FGF12: variants seen among roughly 807,000 people sequenced by gnomAD.
FGF12 encodes the protein fibroblast growth factor 12B.
FGF12 carries 14 observed loss-of-function variants against 23.6 expected under a neutral mutation model. That is an observed-to-expected ratio of 0.59 (90% CI 0.39 to 0.93). The LOEUF (loss-of-function observed/expected upper bound fraction) is 0.93. Ranked by LOEUF, FGF12 falls within the 40% of genes least tolerant of loss-of-function variation. The pLI, the probability that FGF12 is intolerant of heterozygous loss-of-function variation, is 0.00. For synonymous variants in FGF12, 62 were observed against 77.3 expected, an observed-to-expected ratio of 0.80 and a Z score of 1.04; for missense variants, 175 against 217.8, an observed-to-expected ratio of 0.80 and a Z score of 1.24.
At chr3:192,726,290 C>T (rs1020980553) in intron 2 of FGF12, among the ~76,000 whole-genome samples, 7 of 151,952 alleles carry the variant, frequency 4.6e-5, no homozygotes, top group Non-Finnish European at 8.8e-5. Context: ...CTTCTGATTT[C>T]GCCAGAATTA....
Position 192,408,385 on chromosome 3 carries a change from G to A in FGF12, c.14-47847C>T. The A allele has an allele frequency of 2.1e-6, 3 of 1,419,810 alleles. No individual in the cohort carries two copies. The highest frequency in any genetic ancestry group is 2.6e-5 in the East Asian group (1 of 38,586). The allele number at this position is 1,419,810 out of a possible 1,614,324, so 88.0% of individuals were successfully genotyped here. A position where few individuals can be genotyped will look rare whatever the true frequency, so the allele number is the denominator to read the frequency against. On this transcript the variant is annotated intron_variant, in intron 2 of 5. Transcript: ENST00000445105. This position sits in a 1 kb window ranked among gnomAD's most constrained non-coding sequence, Gnocchi z 7.3. Reference sequence around the variant, plus strand: ...AGTATCGAAAACCCGGCGCTCACAAGGTTAGTCAAAGTCTGGGCAGTGGCG... The same window carrying A: ...AGTATCGAAAACCCGGCGCTCACAAAGTTAGTCAAAGTCTGGGCAGTGGCG...
intron 4 of FGF12, among the ~76,000 whole-genome samples, chr3:192,300,694 A>G (rs1314084040): frequency 3.3e-5 from 5 of 152,172 alleles, no homozygotes; most frequent in African/African-American, 1.2e-4. Context: ...AAGACTGCCA[A>G]GTTGATCCAT....
At chr3:192,682,637 A>G (rs1042888540) in intron 2 of FGF12, among the ~76,000 whole-genome samples, 1 of 152,192 alleles carries the variant, frequency 6.6e-6, no homozygotes, top group Non-Finnish European at 1.5e-5. Context: ...GGCTTCTGGG[A>G]TGGAGACTCG....
chr3:192,478,214 G>T (rs891404360), intron 2 of FGF12, among the ~76,000 whole-genome samples: 2 of 152,112 alleles, frequency 1.3e-5, no homozygotes, highest in South Asian at 4.1e-4. Flanking sequence ...CAACCACCAG[G>T]TTGGTACTTA....
chr3:192,296,697 A>G (rs1177036425), intron 4 of FGF12, among the ~76,000 whole-genome samples: 1 of 152,202 alleles, frequency 6.6e-6, no homozygotes, highest in Non-Finnish European at 1.5e-5. Context: ...TTATGAGTTT[A>G]ATGCACATAA....
intron 4 of FGF12, among the ~76,000 whole-genome samples, chr3:192,181,576 T>C (rs1716177579): frequency 6.6e-6 from 1 of 151,154 alleles, no homozygotes; most frequent in Non-Finnish European, 1.5e-5. Flanking sequence ...GTTACGCAGA[T>C]AGTAGAAAAG....
intron 2 of FGF12, among the ~76,000 whole-genome samples, chr3:192,656,225 C>T (rs1415521920): frequency 3.3e-5 from 5 of 151,306 alleles, no homozygotes; most frequent in Non-Finnish European, 7.4e-5. Flanking sequence ...CATCCCAATC[C>T]TTTCTTAGTA....
intron 4 of FGF12, among the ~76,000 whole-genome samples, chr3:192,276,314 A>T (rs2108634441): frequency 1.3e-5 from 2 of 152,310 alleles, no homozygotes; most frequent in African/African-American, 4.8e-5. Context: ...ACAACAACCT[A>T]GATGAAGTCT....
At chr3:192,145,801 G>GTAAGTCA (rs1253917626) in intron 5 of FGF12, among the ~76,000 whole-genome samples, 4 of 152,140 alleles carry the variant, frequency 2.6e-5, no homozygotes, top group Non-Finnish European at 5.9e-5. Context: ...AATGACACAA[G>GTAAGTCA]TAAGTCATTC....
rs1428506155 is a variant in FGF12, at chr3:192,423,064, TA to T, written c.14-62527del. On this transcript the variant is annotated intron_variant, in intron 2 of 5. Coordinates refer to ENST00000445105, the MANE Select transcript of FGF12 (RefSeq NM_004113.6). ...TTGATATGACAGCTCCGTGAGTTTATAATCCTAACTGAGCCCTGTAATAGCA... is the reference window on the plus strand; with the variant it reads ...TTGATATGACAGCTCCGTGAGTTTATATCCTAACTGAGCCCTGTAATAGCA... 2.0e-5 allele frequency among the ~76,000 whole-genome samples: 3 copies of T among 152,300 alleles called. No individual in the cohort carries two copies. In the East Asian group the frequency reaches 5.8e-4, roughly 29 times the overall value.
At chr3:192,412,739 G>A (rs191434462) in intron 2 of FGF12, among the ~76,000 whole-genome samples, 11 of 152,256 alleles carry the variant, frequency 7.2e-5, no homozygotes, top group South Asian at 2.1e-4. Context: ...ATAGAAATTC[G>A]TAGGTTTCCT....
Position 192,530,941 on chromosome 3 carries a change from C to T in FGF12, c.14-170403G>A, listed in dbSNP as rs147294309. ...GCAATTCTCCTGCCTCAGCCTCCCA[C>T]GTAGCTGGGATTACAGGCATATGCC... On this transcript the variant is annotated intron_variant, in intron 2 of 5. Transcript: ENST00000445105. Among the ~76,000 whole-genome samples, 605 of 152,174 alleles carry T rather than the reference C, an allele frequency of 4.0e-3. 5 individuals carry two copies. Among genetic ancestry groups the T allele is most frequent in the Middle Eastern group, 0.017 (5 of 294 alleles).
At chr3:192,520,464 T>A (rs545889308) in intron 2 of FGF12, among the ~76,000 whole-genome samples, 5 of 152,190 alleles carry the variant, frequency 3.3e-5, no homozygotes, top group Non-Finnish European at 4.4e-5. Flanking sequence ...ACAGTATTTA[T>A]GTACACTTAT....
At chr3:192,524,221 C>T (rs1329181680) in intron 2 of FGF12, among the ~76,000 whole-genome samples, 1 of 152,202 alleles carries the variant, frequency 6.6e-6, no homozygotes. Context: ...CAGAATCAAA[C>T]TTACTTGATA....
chr3:192,548,243 T>C (rs1392522134), intron 2 of FGF12, among the ~76,000 whole-genome samples: 3 of 152,136 alleles, frequency 2.0e-5, no homozygotes, highest in African/African-American at 4.8e-5. Flanking sequence ...TTGGTGACAA[T>C]AGATAACATT....
At chr3:192,628,409 A>G (rs73054490) in intron 2 of FGF12, among the ~76,000 whole-genome samples, 49,054 of 149,228 alleles carry the variant, frequency 0.33, 9,062 homozygotes, top group African/African-American at 0.5. Flanking sequence ...TTTTCCAGAG[A>G]GGCTATACAA....
intron 2 of FGF12, among the ~76,000 whole-genome samples, chr3:192,588,562 A>C (rs1337858714): frequency 6.6e-6 from 1 of 151,900 alleles, no homozygotes; most frequent in Non-Finnish European, 1.5e-5. Flanking sequence ...AAGTTATTTT[A>C]TAATAATGCT....
chr3:192,497,280 CA>C (rs1723986805), intron 2 of FGF12, among the ~76,000 whole-genome samples: 1 of 152,184 alleles, frequency 6.6e-6, no homozygotes, highest in African/African-American at 2.4e-5. Context: ...ATCCCGCTGT[CA>C]ATCAATAGCA....
intron 2 of FGF12, among the ~76,000 whole-genome samples, chr3:192,429,392 C>G (rs776118973): frequency 4.6e-5 from 7 of 152,092 alleles, no homozygotes; most frequent in Non-Finnish European, 1.0e-4. Context: ...GAGAAAAATG[C>G]AGTCCTTTCT....
Sources: gnomAD v4.1 joint callset for allele counts (sites outside exome capture counted in the v4.1 genomes callset) on GRCh38, gnomAD v4.1.1 for gene constraint, Gnocchi (gnomAD v3.1) non-coding constraint, MANE v1.5 for transcripts, NCBI Gene and HGNC (gene_info 2026-07-23, HGNC 2026-07-21) for gene names.